GOLGA2: variants seen among roughly 807,000 people sequenced by gnomAD.
The protein encoded by GOLGA2 is golgin subfamily A member 2.
In GOLGA2, 49 loss-of-function variants were observed where a neutral mutation model predicts 148.8. The ratio of observed to expected loss-of-function variants is 0.33; its 90% CI spans 0.26 to 0.42. The LOEUF is 0.42. Ranked by LOEUF, GOLGA2 falls within the 10% of genes least tolerant of loss-of-function variation. The pLI is 1.00. For synonymous variants in GOLGA2, 501 were observed against 511.8 expected (o/e 0.98, Z 0.28); for missense variants, 1,178 against 1,304.6 (o/e 0.90, Z 1.49).
chr9:128,267,688 T>A (rs1028424072), intron 6 of GOLGA2, among the ~76,000 whole-genome samples, 171 bp from the exon 7 acceptor site: 4 of 152,170 alleles, frequency 2.6e-5, no homozygotes, highest in African/African-American at 9.7e-5. Context: ...CCACCATCCT[T>A]TCCTCCCGAG....
intron 10 of GOLGA2, 34 bp downstream of exon 10, chr9:128,265,936 G>A: frequency 6.2e-7 from 1 of 1,608,228 alleles, no homozygotes; most frequent in Non-Finnish European, 8.5e-7. Flanking sequence ...ACATTCTCCA[G>A]AGGACAGGAC....
At position 128,265,433 on chromosome 9, in the gene GOLGA2, G is replaced by A. The variant is rs956114875; in HGVS notation, c.933+152C>T. On this transcript the variant is annotated intron_variant, in intron 12 of 26. Transcript: ENST00000611957. ...ACCCACAGCAGCTGACTCAGCCCCA[G>A]GATGCCTCTAGCAACCACACACAAA... The A allele has an allele frequency of 2.6e-5, 19 of 727,444 alleles. No homozygotes were observed. The South Asian group carries it at 2.8e-4, about 11-fold the overall frequency. The allele number at this position is 727,444 out of a possible 1,614,324, so 45.1% of individuals were successfully genotyped here. A position where few individuals can be genotyped will look rare whatever the true frequency, so the allele number is the denominator to read the frequency against.
In GOLGA2 at chr9:128,260,976, C is replaced by G; in HGVS notation, c.1421-174G>C. 2 of 660,718 alleles carry G rather than the reference C, an allele frequency of 3.0e-6. No homozygotes were observed. The highest frequency in any genetic ancestry group is 5.3e-6 in the Non-Finnish European group (2 of 376,516). 40.9% of individuals were successfully genotyped at this position (660,718 alleles called of 1,614,324 possible). On this transcript the variant is annotated intron_variant, in intron 17 of 26. Transcript: ENST00000611957. The surrounding 1 kb of genome is among the most constrained non-coding windows in gnomAD (Gnocchi z 4.8). ...GATAGCGACAACTGTGGGTGGCTGA[C>G]AACGGGCACTCCTTCGTCTTTGCTG...
chr9:128,267,802 G>A (rs919496408), intron 6 of GOLGA2, 132 bp downstream of exon 6: 1 of 762,024 alleles, frequency 1.3e-6, no homozygotes, highest in East Asian at 2.7e-5. Context: ...TCAGGGAAAA[G>A]GCGACTTCCT....
chr9:128,263,062 C>T lies in GOLGA2; in HGVS notation c.964G>A (p.Ala322Thr), dbSNP rs752893565. The T allele has an allele frequency of 1.4e-5, 23 of 1,610,508 alleles. No individual in the cohort carries two copies. Among genetic ancestry groups the T allele is most frequent in the East Asian group, 2.2e-5 (1 of 44,882 alleles). ...TTCTTGTATAACTCCAGCCTGAGGG[C>T]GTCTCTCTCTTTGGTTAACTCCTTG... ...YNKELTKERD[A>T]LRLELYKNTQ... Residue 322 changes from alanine (A) to threonine (T), a missense_variant, in exon 13 of 27, where the codon GCC becomes ACC. By Grantham distance (58) the Ala-to-Thr change is moderately conservative. Transcript: ENST00000611957.
In GOLGA2 at chr9:128,258,856, C is replaced by A. The variant is rs1375330689; in HGVS notation, c.2173+151G>T. The A allele has an allele frequency of 3.0e-6, 2 of 663,204 alleles. No individual in the cohort carries two copies. The highest frequency in any genetic ancestry group is 2.5e-5 in the Admixed American group (1 of 39,808). The allele number at this position is 663,204 out of a possible 1,614,324, so 41.1% of individuals were successfully genotyped here. On this transcript the variant is annotated intron_variant, in intron 21 of 26. Coordinates refer to ENST00000611957, the MANE Select transcript of GOLGA2 (RefSeq NM_001366244.2). This position sits in a 1 kb window ranked among gnomAD's most constrained non-coding sequence, Gnocchi z 6.6. ...TGGTAGTGCCCTGCTCCCAGGAAGT[C>A]ACCATATTGATGCCGAACTTAGTGT... is the stretch of plus-strand genomic sequence containing the variant.
At chr9:128,265,134 A>G (rs1830514333) in intron 12 of GOLGA2, among the ~76,000 whole-genome samples, 1 of 152,234 alleles carries the variant, frequency 6.6e-6, no homozygotes, top group Non-Finnish European at 1.5e-5. Flanking sequence ...AATATCTTCC[A>G]GCCGTGCTGT....
Position 128,261,698 on chromosome 9 carries a change from C to A in GOLGA2, c.1194G>T (p.Glu398Asp). ...CCAGGTGTGCTTCCAGCTGTGCCCG[C>A]TCCTCCATGGCCTGCTGTAACTGCT... ...ANQQLQQAMEERAQLEAHLGQ... is the reference protein window; with the variant it reads ...ANQQLQQAMEDRAQLEAHLGQ... The change falls in exon 15 of 27, where the codon GAG becomes GAT. Residue 398 changes from glutamate to aspartate, a missense_variant. By Grantham distance (45) the Glu-to-Asp change is conservative. Coordinates refer to ENST00000611957, the MANE Select transcript of GOLGA2 (RefSeq NM_001366244.2). This position sits in a 1 kb window ranked among gnomAD's most constrained non-coding sequence, Gnocchi z 5.7. The A allele has an allele frequency of 1.2e-6, 2 of 1,613,036 alleles. No individual in the cohort carries two copies. Among genetic ancestry groups the A allele is most frequent in the South Asian group, 1.1e-5 (1 of 91,070 alleles).
At position 128,261,055 on chromosome 9, in the gene GOLGA2, C is replaced by G; in HGVS notation, c.1420+117G>C. On this transcript the variant is annotated intron_variant, in intron 17 of 26. Transcript: ENST00000611957. The surrounding 1 kb of genome is among the most constrained non-coding windows in gnomAD (Gnocchi z 5.7). ...GAGACTTGCCATCTCCTGGCACAGA[C>G]CTCTTTCCCTCTGCCTCAAAGCCAT... 1 of 795,414 alleles carries G rather than the reference C, an allele frequency of 1.3e-6. No homozygotes were observed. The highest frequency in any genetic ancestry group is 2.2e-6 in the Non-Finnish European group (1 of 449,706). The allele number at this position is 795,414 out of a possible 1,614,324, so 49.3% of individuals were successfully genotyped here.
At chr9:128,275,478 C>T in intron 1 of GOLGA2, 4 of 1,301,344 alleles carry the variant, frequency 3.1e-6, no homozygotes, top group Non-Finnish European at 3.9e-6. Flanking sequence ...CCGGGAGGTC[C>T]GGTTTGGGGC....
At position 128,257,207 on chromosome 9, in the gene GOLGA2, T is replaced by C. The variant is rs79208885; in HGVS notation, c.2950A>G (p.Asn984Asp). The change falls in exon 27 of 27, where the codon AAC (asparagine) becomes GAC (aspartate). Residue 984 changes from asparagine to aspartate, a missense_variant. By Grantham distance (23) the Asn-to-Asp change is conservative. Coordinates refer to ENST00000611957, the MANE Select transcript of GOLGA2 (RefSeq NM_001366244.2). The surrounding 1 kb of genome is among the most constrained non-coding windows in gnomAD (Gnocchi z 8.0). ...GEAREGSPRD[N>D]PTAQQIMQLL... ...TGCATGATCTGCTGTGCAGTGGGGTTGTCACGGGGAGAACCCTCCCTGGCC... is the reference window on the plus strand; with the variant it reads ...TGCATGATCTGCTGTGCAGTGGGGTCGTCACGGGGAGAACCCTCCCTGGCC... 3,043 of 1,614,016 alleles carry C rather than the reference T, an allele frequency of 1.9e-3. 51 individuals carry two copies. In the African/African-American group the frequency reaches 0.033, roughly 17 times the overall value.
intron 1 of GOLGA2, among the ~76,000 whole-genome samples, chr9:128,274,937 T>C (rs939239405): frequency 1.3e-5 from 2 of 152,188 alleles, no homozygotes; most frequent in African/African-American, 2.4e-5. Flanking sequence ...CCACAGAAGA[T>C]AAGCAGATCT....
rs1043652908 is a variant in GOLGA2 at position 128,257,266 on chromosome 9, C to G, written c.2891G>C (p.Ser964Thr). ...GGCAGGCTCCACACTGCCGGCGAGG[C>G]TCACCTCGCAAAGATCTTTGGAGAG... ...ANQQGDLCEV[S>T]LAGSVEPAQG... The change falls in exon 27 of 27, where the codon AGC becomes ACC. Residue 964 changes from serine to threonine, a missense_variant. By Grantham distance (58) the Ser-to-Thr change is moderately conservative. Around this residue, in one of 5 missense-constraint regions of GOLGA2, gnomAD observed 149 missense variants for 154.9 expected, o/e 0.96. Coordinates refer to ENST00000611957, the MANE Select transcript of GOLGA2 (RefSeq NM_001366244.2). This position sits in a 1 kb window ranked among gnomAD's most constrained non-coding sequence, Gnocchi z 8.0. 2.5e-6 allele frequency: 4 copies of G among 1,612,978 alleles called. No homozygotes were observed. The highest frequency in any genetic ancestry group is 1.7e-5 in the Admixed American group (1 of 59,984).
intron 12 of GOLGA2, among the ~76,000 whole-genome samples, chr9:128,264,036 G>A (rs1457599671): frequency 6.7e-6 from 1 of 149,462 alleles, no homozygotes; most frequent in Non-Finnish European, 1.5e-5. Context: ...GTGGTGGCAG[G>A]TGCCTGTAGT....
At position 128,266,704 on chromosome 9, in the gene GOLGA2, C is replaced by G. The variant is rs1830614978; in HGVS notation, c.643-379G>C. The G allele has an allele frequency of 8.1e-6, 3 of 371,544 alleles. No homozygotes were observed. In the East Asian group the frequency reaches 1.7e-4, roughly 22 times the overall value. 23.0% of individuals were successfully genotyped at this position (371,544 alleles called of 1,614,324 possible). A position where few individuals can be genotyped will look rare whatever the true frequency, so the allele number is the denominator to read the frequency against. ...GGTTCTTAATAGCAGGGATACCAGA[C>G]AGAAAAAGACAGACAGGAGCCCTTG... is the stretch of plus-strand genomic sequence containing the variant. On this transcript the variant is annotated intron_variant, in intron 8 of 26. Transcript: ENST00000611957. The surrounding 1 kb of genome is among the most constrained non-coding windows in gnomAD (Gnocchi z 4.2).
rs1830110391 is a variant in GOLGA2 at position 128,259,357 on chromosome 9, T to C, written c.1907A>G (p.Gln636Arg). 8.1e-6 allele frequency: 13 copies of C among 1,600,818 alleles called. No homozygotes were observed. The highest frequency in any genetic ancestry group is 1.1e-5 in the Non-Finnish European group (13 of 1,173,998). Residue 636 changes from glutamine (Q) to arginine (R), a missense_variant, in exon 20 of 27, where the codon CAG becomes CGG. Around this residue, in one of 5 missense-constraint regions of GOLGA2, gnomAD observed 529 missense variants for 521.8 expected, o/e 1.01. Transcript: ENST00000611957. ...TCCCAGGTACTGGTCTCGCTGCTGC[T>C]GCAGACTTTGAGCCTCTTGGCTCTT... is the stretch of plus-strand genomic sequence containing the variant. Reference protein sequence around the residue: ...ELKSQEAQSLQQQRDQYLGHL... With the variant: ...ELKSQEAQSLRQQRDQYLGHL...
rs1204251912 is a variant in GOLGA2, at chr9:128,260,581, G to A, written c.1642C>T (p.Arg548Cys). ...AELWGEQAEA[R>C]RQILETMQND... Reference sequence around the variant, plus strand: ...TGCATGGTCTCCAGGATTTGCCTGCGCGCCTCCGCCTGCTCCCCCCAGAGC... The same window carrying A: ...TGCATGGTCTCCAGGATTTGCCTGCACGCCTCCGCCTGCTCCCCCCAGAGC... Residue 548 changes from arginine (R) to cysteine (C), a missense_variant, in exon 18 of 27, where the codon CGC (arginine) becomes TGC (cysteine). Coordinates refer to ENST00000611957, the MANE Select transcript of GOLGA2 (RefSeq NM_001366244.2). The surrounding 1 kb of genome is among the most constrained non-coding windows in gnomAD (Gnocchi z 4.8). The A allele has an allele frequency of 9.9e-6, 16 of 1,611,752 alleles. No homozygotes were observed. Among genetic ancestry groups the A allele is most frequent in the African/African-American group, 1.3e-5 (1 of 74,916 alleles).
Position 128,275,949 on chromosome 9 carries a change from G to C in GOLGA2, c.28C>G (p.Arg10Gly), listed in dbSNP as rs370362050. 9 of 1,595,382 alleles carry C rather than the reference G, an allele frequency of 5.6e-6. No individual in the cohort carries two copies. The Middle Eastern group carries it at 5.1e-4, about 90-fold the overall frequency. Residue 10 changes from arginine (R) to glycine (G), a missense_variant, in exon 1 of 27, where the codon CGC (arginine) becomes GGC (glycine). By Grantham distance (125) the Arg-to-Gly change is moderately radical (BLOSUM62 -2). Transcript: ENST00000611957. ...CGGGTTTCTTCCGACATCGCGGGGC[G>C]GGGAGGGAGGCGGGGTTGGGGCCAC... MWPQPRLPP[R>G]PAMSEETRQS...
chr9:128,269,656 C>T (rs1415815223), intron 3 of GOLGA2, among the ~76,000 whole-genome samples: 1 of 152,170 alleles, frequency 6.6e-6, no homozygotes, highest in Non-Finnish European at 1.5e-5. Flanking sequence ...TAATATCTGA[C>T]AAGCCAGATG....
Sources: allele counts gnomAD v4.1 joint callset (sites outside exome capture counted in the v4.1 genomes callset), GRCh38; gene constraint gnomAD v4.1.1; regional missense constraint gnomAD v4.1.1; non-coding constraint Gnocchi (gnomAD v3.1); transcripts MANE v1.5; gene names NCBI Gene and HGNC (gene_info 2026-07-23, HGNC 2026-07-21).